The following ZFAND3 variants were observed in gnomAD, a reference collection of about 807,000 sequenced individuals.
ZFAND3 encodes the protein AN1-type zinc finger protein 3.
Under a neutral mutation model 29.6 loss-of-function variants are expected in ZFAND3, and 10 were observed. The ratio of observed to expected loss-of-function variants is 0.34; its 90% confidence interval spans 0.21 to 0.57. The LOEUF (loss-of-function observed/expected upper bound fraction) is 0.57. ZFAND3 is among the 20% of genes least tolerant of loss of function. ZFAND3 has a pLI of 0.86. For synonymous variants in ZFAND3, 128 were observed against 112.6 expected (o/e 1.14, Z -0.87); for missense variants, 230 against 304.5 (o/e 0.76, Z 1.82).
At chr6:37,886,693 T>C (rs992368897) in intron 1 of ZFAND3, among the ~76,000 whole-genome samples, 4 of 152,186 alleles carry the variant, frequency 2.6e-5, no homozygotes, top group Admixed American at 2.6e-4. Flanking sequence ...TTGGATTTTA[T>C]AATTAAGAAG....
At chr6:37,972,149 A>C (rs1762399582) in intron 2 of ZFAND3, among the ~76,000 whole-genome samples, 1 of 152,206 alleles carries the variant, frequency 6.6e-6, no homozygotes, top group East Asian at 1.9e-4. Flanking sequence ...ACTTGTTTGC[A>C]ATTTATTAGG....
At chr6:38,071,896 C>G (rs1305522813) in intron 3 of ZFAND3, among the ~76,000 whole-genome samples, 1 of 152,118 alleles carries the variant, frequency 6.6e-6, no homozygotes, top group African/African-American at 2.4e-5. Flanking sequence ...TTTAATTTTT[C>G]TTACTTTTAG....
At chr6:37,862,854 A>AT (rs1764519255) in intron 1 of ZFAND3, among the ~76,000 whole-genome samples, 1 of 152,104 alleles carries the variant, frequency 6.6e-6, no homozygotes, top group South Asian at 2.1e-4. Context: ...GGGAAAAAAA[A>AT]ATGGGTATTT....
chr6:38,063,564 A>G (rs1764284255), intron 3 of ZFAND3, among the ~76,000 whole-genome samples: 1 of 152,234 alleles, frequency 6.6e-6, no homozygotes, highest in Non-Finnish European at 1.5e-5. Context: ...GCATTGACCT[A>G]CTGAGGAAGT....
chr6:38,036,934 G>T (rs1291843870), intron 2 of ZFAND3, among the ~76,000 whole-genome samples: 1 of 152,056 alleles, frequency 6.6e-6, no homozygotes, highest in Non-Finnish European at 1.5e-5. Flanking sequence ...ATTTTAAAAG[G>T]TAAACCATCT....
chr6:38,015,367 G>A (rs1264347618), intron 2 of ZFAND3, among the ~76,000 whole-genome samples: 1 of 152,174 alleles, frequency 6.6e-6, no homozygotes, highest in African/African-American at 2.4e-5. Context: ...GCTATTGGTG[G>A]GTGTAAGAAT....
At position 37,869,643 on chromosome 6, in the gene ZFAND3, G is replaced by A. The variant is rs1259309640; in HGVS notation, c.71+49627G>A. 2.6e-5 allele frequency among the ~76,000 whole-genome samples: 4 copies of A among 151,296 alleles called. No individual in the cohort carries two copies. In the South Asian group the frequency reaches 8.4e-4, roughly 32 times the overall value. On this transcript the variant is annotated intron_variant, in intron 1 of 5. Transcript: ENST00000287218. Reference sequence around the variant, plus strand: ...CACACCTCACACTCCTGAGTAGCTGGGACTACAGGCGCACACCATTGTGCC... The same window carrying A: ...CACACCTCACACTCCTGAGTAGCTGAGACTACAGGCGCACACCATTGTGCC...
chr6:37,869,456 C>A (rs1254958486), intron 1 of ZFAND3, among the ~76,000 whole-genome samples: 1 of 151,920 alleles, frequency 6.6e-6, no homozygotes, highest in Admixed American at 6.6e-5. Context: ...CCGTGCCTGG[C>A]CGTTATTTTG....
chr6:38,123,634 T>C (rs1765575507), intron 5 of ZFAND3, among the ~76,000 whole-genome samples: 1 of 151,948 alleles, frequency 6.6e-6, no homozygotes. Context: ...AGGGAGAGAG[T>C]GTATCCATCT....
chr6:38,032,630 C>A (rs1477431436), intron 2 of ZFAND3, among the ~76,000 whole-genome samples: 1 of 152,190 alleles, frequency 6.6e-6, no homozygotes, highest in Admixed American at 6.5e-5. Flanking sequence ...TAAATATCTT[C>A]ATCTCTTTAT....
At chr6:38,098,745 GC>G (rs1256348598) in intron 4 of ZFAND3, among the ~76,000 whole-genome samples, 1 of 151,444 alleles carries the variant, frequency 6.6e-6, no homozygotes, top group Non-Finnish European at 1.5e-5. Context: ...ATCGTGATCC[GC>G]CTGCCTTGGC....
At chr6:38,039,282 G>A (rs958341432) in intron 2 of ZFAND3, among the ~76,000 whole-genome samples, 1 of 152,194 alleles carries the variant, frequency 6.6e-6, no homozygotes, top group African/African-American at 2.4e-5. Context: ...ATCTGAGGGT[G>A]TATAGAATCT....
intron 2 of ZFAND3, among the ~76,000 whole-genome samples, chr6:38,033,274 G>T (rs968779849): frequency 6.6e-6 from 1 of 152,150 alleles, no homozygotes; most frequent in African/African-American, 2.4e-5. Context: ...GAGAAGGGAT[G>T]TTGTATTCAG....
intron 2 of ZFAND3, among the ~76,000 whole-genome samples, chr6:38,041,672 T>C (rs910133010): frequency 6.3e-4 from 14 of 22,304 alleles, no homozygotes; most frequent in East Asian, 3.9e-3. Context: ...TTCTTCTTCT[T>C]CTTCTTCTTC....
At chr6:37,884,425 C>T (rs1009921687) in intron 1 of ZFAND3, among the ~76,000 whole-genome samples, 1 of 123,358 alleles carries the variant, frequency 8.1e-6, no homozygotes, top group Non-Finnish European at 1.6e-5. Flanking sequence ...ACCTGGGAGG[C>T]GGAGATTGCG....
intron 4 of ZFAND3, among the ~76,000 whole-genome samples, chr6:38,111,523 C>G (rs938160790): frequency 2.6e-5 from 4 of 152,108 alleles, no homozygotes; most frequent in Non-Finnish European, 5.9e-5. Context: ...CAAGACCAGC[C>G]CCCCACTCCT....
At position 37,909,338 on chromosome 6, in the gene ZFAND3, G is replaced by A. The variant is rs111771206; in HGVS notation, c.72-20621G>A. 4.7e-4 allele frequency among the ~76,000 whole-genome samples: 71 copies of A among 149,962 alleles called. 1 individual carries two copies. Among genetic ancestry groups the A allele is most frequent in the African/African-American group, 9.5e-4 (39 of 40,840 alleles). ...TCTGTCGCACAGGCTGGAGTGCAGT[G>A]GTACGATCTTAGCTCACTGCATCCT... On this transcript the variant is annotated intron_variant, in intron 1 of 5. Transcript: ENST00000287218.
rs188067651 is a variant in ZFAND3, at chr6:37,868,516, C to T, written c.71+48500C>T. ...ACTACCTAGAGATGTGACTGTAGCGCGGGGCTGGGGTTGTGAAAGGAGCAT... is the reference window on the plus strand; with the variant it reads ...ACTACCTAGAGATGTGACTGTAGCGTGGGGCTGGGGTTGTGAAAGGAGCAT... On this transcript the variant is annotated intron_variant, in intron 1 of 5. Coordinates refer to ENST00000287218, the MANE Select transcript of ZFAND3 (RefSeq NM_021943.3). Among the ~76,000 whole-genome samples the T allele has an allele frequency of 3.1e-3, 466 of 152,026 alleles. 3 individuals are homozygous for T. Among genetic ancestry groups the T allele is most frequent in the African/African-American group, 0.011 (443 of 41,448 alleles).
intron 1 of ZFAND3, among the ~76,000 whole-genome samples, chr6:37,838,021 T>C (rs1478698598): frequency 1.3e-5 from 2 of 152,200 alleles, no homozygotes; most frequent in African/African-American, 2.4e-5. Flanking sequence ...TTTTAAAACA[T>C]AGGGACTGAC....
Sources: gnomAD v4.1 joint callset for allele counts (sites outside exome capture counted in the v4.1 genomes callset) on GRCh38, gnomAD v4.1.1 for gene constraint, MANE v1.5 for transcripts, NCBI Gene and HGNC (gene_info 2026-07-23, HGNC 2026-07-21) for gene names.